ABI1: variants seen among roughly 807,000 people sequenced by gnomAD.
ABI1 encodes the protein Abelson interactor 1.
Under a neutral mutation model 54.6 loss-of-function variants are expected in ABI1, and 14 were observed. That is an observed-to-expected ratio of 0.26 (90% confidence interval 0.17 to 0.40). The LOEUF (loss-of-function observed/expected upper bound fraction) is 0.40. Among genes scored for constraint, ABI1 ranks in the 10% least tolerant of loss-of-function variants. The probability of loss-of-function intolerance (pLI) is 1.00; values close to 1 mark genes in which losing one functional copy is unlikely to be tolerated. For missense variants in ABI1, 443 were observed against 598.3 expected, an observed-to-expected ratio of 0.74 and a Z score of 2.71; for synonymous variants, 194 against 209.3, an observed-to-expected ratio of 0.93 and a Z score of 0.63.
intron 1 of ABI1, among the ~76,000 whole-genome samples, chr10:26,839,351 C>T (rs1051449247): frequency 1.2e-4 from 18 of 151,932 alleles, no homozygotes; most frequent in African/African-American, 4.1e-4. Context: ...TAAAAATTAG[C>T]CAGGCATGGT....
At chr10:26,832,366 A>T (rs1365170121) in intron 1 of ABI1, among the ~76,000 whole-genome samples, 2 of 152,150 alleles carry the variant, frequency 1.3e-5, no homozygotes, top group Admixed American at 1.3e-4. Flanking sequence ...GCGGATCACG[A>T]GGTCAGGAGA....
chr10:26,852,325 C>T (rs529612704), intron 1 of ABI1, among the ~76,000 whole-genome samples: 184 of 152,074 alleles, frequency 1.2e-3, no homozygotes, highest in Non-Finnish European at 2.0e-3. Flanking sequence ...ACTAAAAATA[C>T]AAAATTAGCC....
chr10:26,860,700 C>T lies in ABI1; in HGVS notation c.117+47G>A, dbSNP rs765148682. ...CCGCCCAGTGGGCTGGTCACTCCGG[C>T]GGGTCCTCGACCCGGCCAGCGCCCG... On this transcript the variant is annotated intron_variant, in intron 1 of 10. Transcript: ENST00000376140. The surrounding 1 kb of genome is among the most constrained non-coding windows in gnomAD (Gnocchi z 4.1). 3.4e-6 allele frequency: 5 copies of T among 1,490,570 alleles called. No homozygotes were observed. In the African/African-American group the frequency reaches 6.9e-5, roughly 21 times the overall value. 92.3% of individuals were successfully genotyped at this position (1,490,570 alleles called of 1,614,324 possible).
intron 1 of ABI1, among the ~76,000 whole-genome samples, chr10:26,833,983 C>T (rs1454070307): frequency 6.6e-6 from 1 of 152,132 alleles, no homozygotes; most frequent in Non-Finnish European, 1.5e-5. Flanking sequence ...TAATCCAGCA[C>T]TTTGGAAGGC....
chr10:26,840,862 A>G (rs776271541), intron 1 of ABI1, among the ~76,000 whole-genome samples: 1 of 152,240 alleles, frequency 6.6e-6, no homozygotes, highest in Non-Finnish European at 1.5e-5. Context: ...AAGCATTTTT[A>G]AAAAGGCATT....
chr10:26,786,759 C>T (rs190227421), intron 2 of ABI1, among the ~76,000 whole-genome samples: 6 of 152,262 alleles, frequency 3.9e-5, no homozygotes, highest in African/African-American at 7.2e-5. Flanking sequence ...GACAGTGTCT[C>T]CCAGTTCATT....
intron 8 of ABI1, among the ~76,000 whole-genome samples, chr10:26,757,806 G>A (rs922817370): frequency 2.0e-5 from 3 of 151,942 alleles, no homozygotes; most frequent in African/African-American, 7.3e-5. Flanking sequence ...AGTGGCTCAC[G>A]CCTGTAATCC....
rs397696005 is a variant in ABI1, at chr10:26,818,158, C to CAA, written c.285+4978_285+4979dup. Among the ~76,000 whole-genome samples, 11 of 45,426 alleles carry CAA rather than the reference C, an allele frequency of 2.4e-4. 1 individual carries two copies. Among genetic ancestry groups the CAA allele is most frequent in the South Asian group, 6.2e-4 (1 of 1,608 alleles). The allele number at this position is 45,426 out of a possible 152,430, so 29.8% of individuals were successfully genotyped here. A position where few individuals can be genotyped will look rare whatever the true frequency, so the allele number is the denominator to read the frequency against. On this transcript the variant is annotated intron_variant, in intron 2 of 10. Transcript: ENST00000376140. ...TGGGAGACAGAGCAAGACTCCATCT[C>CAA]AAAAAAAAAAAAAAAAAAAAAAAAA... is the stretch of plus-strand genomic sequence containing the variant.
chr10:26,812,014 T>C (rs1331363482), intron 2 of ABI1, among the ~76,000 whole-genome samples: 3 of 152,124 alleles, frequency 2.0e-5, no homozygotes, highest in South Asian at 2.1e-4. Flanking sequence ...ACTACCAGCA[T>C]TCCTTGACTT....
intron 2 of ABI1, among the ~76,000 whole-genome samples, chr10:26,809,101 C>T (rs2047058980): frequency 6.6e-6 from 1 of 151,944 alleles, no homozygotes; most frequent in African/African-American, 2.4e-5. Flanking sequence ...GAAACCTCGT[C>T]TCTACCAAAA....
At chr10:26,857,458 T>C (rs940896590) in intron 1 of ABI1, among the ~76,000 whole-genome samples, 3 of 148,724 alleles carry the variant, frequency 2.0e-5, no homozygotes, top group African/African-American at 5.0e-5. Context: ...CTAGGCAACA[T>C]GGCAAAACCC....
chr10:26,829,056 C>T (rs533770635), intron 1 of ABI1, among the ~76,000 whole-genome samples: 33 of 151,996 alleles, frequency 2.2e-4, no homozygotes, highest in African/African-American at 7.7e-4. Context: ...GAAACCCCAT[C>T]TCTACTAAAA....
At chr10:26,850,136 A>G (rs1363002701) in intron 1 of ABI1, among the ~76,000 whole-genome samples, 1 of 152,240 alleles carries the variant, frequency 6.6e-6, no homozygotes, top group East Asian at 1.9e-4. Context: ...GATTAACTGC[A>G]GAAGCAGATA....
chr10:26,794,462 T>C (rs114494004), intron 2 of ABI1, among the ~76,000 whole-genome samples: 406 of 151,844 alleles, frequency 2.7e-3, no homozygotes, highest in African/African-American at 9.1e-3. Flanking sequence ...GGAAGTACAG[T>C]CTAATGACTA....
intron 1 of ABI1, 88 bp from the exon 2 acceptor site, chr10:26,823,393 T>C: frequency 9.6e-7 from 1 of 1,044,118 alleles, no homozygotes; most frequent in East Asian, 3.2e-5. Flanking sequence ...TATATTATTT[T>C]ACTAGAGAAA....
intron 1 of ABI1, among the ~76,000 whole-genome samples, chr10:26,848,888 C>A (rs995124533): frequency 6.6e-6 from 1 of 152,180 alleles, no homozygotes; most frequent in Non-Finnish European, 1.5e-5. Flanking sequence ...GGATTACAGG[C>A]ATGAGCCACC....
chr10:26,829,703 G>T (rs1327493060), intron 1 of ABI1, among the ~76,000 whole-genome samples: 1 of 152,054 alleles, frequency 6.6e-6, no homozygotes, highest in Non-Finnish European at 1.5e-5. Context: ...TCAATGGAAT[G>T]AAACACACAA....
At chr10:26,765,349 CA>C in intron 6 of ABI1, 31 bp from the exon 7 acceptor site, 1 of 1,478,526 alleles carries the variant, frequency 6.8e-7, no homozygotes, top group Non-Finnish European at 9.2e-7. Flanking sequence ...TGTGAAAAAC[CA>C]ATTCTAGAGA....
At chr10:26,825,155 CTTTTG>C (rs1482095000) in intron 1 of ABI1, among the ~76,000 whole-genome samples, 1 of 152,134 alleles carries the variant, frequency 6.6e-6, no homozygotes, top group African/African-American at 2.4e-5. Flanking sequence ...CATCTATTGA[CTTTTG>C]TTTTAACAAG....
Sources: allele counts gnomAD v4.1 joint callset (sites outside exome capture counted in the v4.1 genomes callset), GRCh38; gene constraint gnomAD v4.1.1; non-coding constraint Gnocchi (gnomAD v3.1); transcripts MANE v1.5; gene names NCBI Gene and HGNC (gene_info 2026-07-23, HGNC 2026-07-21).